The following GRIP1 variants were observed in gnomAD, a reference collection of about 807,000 sequenced individuals.
GRIP1 encodes glutamate receptor interacting protein 1.
A neutral mutation model predicts 129.9 loss-of-function variants in GRIP1; 45 were observed. That is an observed-to-expected ratio of 0.35 (90% CI 0.27 to 0.44). The LOEUF (loss-of-function observed/expected upper bound fraction) is 0.44, where lower values mean the gene tolerates loss of function less well. Ranked by LOEUF, GRIP1 falls within the 20% of genes least tolerant of loss-of-function variation. GRIP1 has a pLI of 1.00. For missense variants in GRIP1, 1,196 were observed against 1,396.8 expected, an observed-to-expected ratio of 0.86 and a Z score of 2.29; for synonymous variants, 530 against 520.8, an observed-to-expected ratio of 1.02 and a Z score of -0.24.
At chr12:66,817,214 A>G (rs1220118036) in intron 1 of GRIP1, among the ~76,000 whole-genome samples, 1 of 136,768 alleles carries the variant, frequency 7.3e-6, no homozygotes, top group African/African-American at 3.5e-5. Context: ...ACACACACAC[A>G]CACACACACA....
chr12:66,781,822 G>T (rs1013910094), intron 1 of GRIP1, among the ~76,000 whole-genome samples: 17 of 152,166 alleles, frequency 1.1e-4, no homozygotes, highest in African/African-American at 3.6e-4. Context: ...TTAGGTAGGG[G>T]AAGGGTGTAT....
intron 1 of GRIP1, among the ~76,000 whole-genome samples, chr12:66,789,438 G>A (rs73329245): frequency 0.036 from 5,416 of 152,234 alleles, 246 homozygotes; most frequent in African/African-American, 0.11. Context: ...AGTAACAACA[G>A]CTAATTTATC....
chr12:66,654,319 A>C (rs1247360299), intron 1 of GRIP1, among the ~76,000 whole-genome samples: 2 of 152,238 alleles, frequency 1.3e-5, no homozygotes, highest in African/African-American at 4.8e-5. Flanking sequence ...ATCTAAGTGA[A>C]TACAACCTGT....
chr12:66,812,919 T>G (rs1019608374), intron 1 of GRIP1, among the ~76,000 whole-genome samples: 2 of 152,152 alleles, frequency 1.3e-5, no homozygotes, highest in Admixed American at 1.3e-4. Context: ...GATTCATTTA[T>G]TCGACAAATG....
chr12:66,939,139 T>A (rs1323154498), intron 1 of GRIP1, among the ~76,000 whole-genome samples: 1 of 152,080 alleles, frequency 6.6e-6, no homozygotes, highest in Non-Finnish European at 1.5e-5. Flanking sequence ...TTCCCTTAGT[T>A]AAGACCAGCT....
chr12:66,863,695 T>C (rs2040151750), intron 1 of GRIP1, among the ~76,000 whole-genome samples: 1 of 152,080 alleles, frequency 6.6e-6, no homozygotes, highest in Non-Finnish European at 1.5e-5. Flanking sequence ...GAGCAGAAGA[T>C]GCAGTGGGAA....
At chr12:66,883,777 G>C (rs2040519167) in intron 1 of GRIP1, among the ~76,000 whole-genome samples, 1 of 152,230 alleles carries the variant, frequency 6.6e-6, no homozygotes, top group Non-Finnish European at 1.5e-5. Flanking sequence ...ACATAGTGGA[G>C]AAGAGGGCAG....
chr12:67,015,931 T>G (rs2042779571), intron 1 of GRIP1, among the ~76,000 whole-genome samples: 1 of 152,158 alleles, frequency 6.6e-6, no homozygotes, highest in Admixed American at 6.5e-5. Context: ...AGTCCTAGCT[T>G]TGGCCCCACC....
chr12:66,391,527 T>A (rs964517149), intron 19 of GRIP1, among the ~76,000 whole-genome samples: 2 of 152,212 alleles, frequency 1.3e-5, no homozygotes, highest in Non-Finnish European at 2.9e-5. Flanking sequence ...ACTCTATACT[T>A]TCCTATATTG....
intron 19 of GRIP1, among the ~76,000 whole-genome samples, chr12:66,388,237 A>G (rs992057664): frequency 1.3e-5 from 2 of 152,142 alleles, no homozygotes; most frequent in African/African-American, 4.8e-5. Context: ...TTATGGATAT[A>G]ATTATAGAAA....
intron 1 of GRIP1, among the ~76,000 whole-genome samples, chr12:66,993,502 C>CT (rs1470113023): frequency 6.6e-6 from 1 of 151,696 alleles, no homozygotes; most frequent in African/African-American, 2.4e-5. Context: ...AAAATCAGGA[C>CT]TGAACAGACC....
intron 1 of GRIP1, among the ~76,000 whole-genome samples, chr12:66,629,549 C>T (rs2030506487): frequency 6.6e-6 from 1 of 152,190 alleles, no homozygotes; most frequent in South Asian, 2.1e-4. Flanking sequence ...AGCTTTAACT[C>T]AAGTGAACAT....
At chr12:66,583,555 T>G in intron 2 of GRIP1, among the ~76,000 whole-genome samples, 1 of 131,618 alleles carries the variant, frequency 7.6e-6, no homozygotes, top group Non-Finnish European at 1.7e-5. Context: ...TCAAACCAAT[T>G]TACAAGAAAA....
At chr12:66,968,415 T>C (rs1011524025) in intron 1 of GRIP1, among the ~76,000 whole-genome samples, 2 of 152,130 alleles carry the variant, frequency 1.3e-5, no homozygotes, top group African/African-American at 4.8e-5. Flanking sequence ...TTTTTTCTTA[T>C]TTTGCCTTCT....
chr12:66,384,450 T>C (rs1463452425), intron 19 of GRIP1, among the ~76,000 whole-genome samples: 2 of 152,216 alleles, frequency 1.3e-5, no homozygotes, highest in Non-Finnish European at 2.9e-5. Flanking sequence ...TCCGGGTATG[T>C]GTACTAAAAG....
chr12:66,993,945 C>T (rs2042430817), intron 1 of GRIP1, among the ~76,000 whole-genome samples: 1 of 151,988 alleles, frequency 6.6e-6, no homozygotes, highest in South Asian at 2.1e-4. Flanking sequence ...ATACATACTA[C>T]CAAAACTGAT....
In GRIP1 at chr12:66,379,455, G is replaced by A. The variant is rs2055992165; in HGVS notation, c.2465-19C>T. Reference sequence around the variant, plus strand: ...CTAGTGCCTAAAATATAAACAAGGTGTTAGCATTGGGCCCAAGGATTACTT... The same window carrying A: ...CTAGTGCCTAAAATATAAACAAGGTATTAGCATTGGGCCCAAGGATTACTT... On this transcript the variant is annotated intron_variant, in intron 19 of 24. Coordinates refer to ENST00000359742, the MANE Select transcript of GRIP1 (RefSeq NM_001366722.1). 2.5e-6 allele frequency: 4 copies of A among 1,612,858 alleles called. No homozygotes were observed. The highest frequency in any genetic ancestry group is 3.4e-6 in the Non-Finnish European group (4 of 1,178,834).
intron 1 of GRIP1, among the ~76,000 whole-genome samples, chr12:66,954,965 T>C (rs893978716): frequency 8.5e-5 from 13 of 152,262 alleles, no homozygotes; most frequent in African/African-American, 2.4e-4. Flanking sequence ...GAAGGCCTCA[T>C]TGATAAAGTG....
intron 7 of GRIP1, among the ~76,000 whole-genome samples, chr12:66,496,761 C>T (rs1158720365): frequency 6.6e-6 from 1 of 152,024 alleles, no homozygotes; most frequent in Non-Finnish European, 1.5e-5. Context: ...GAGATTCAGG[C>T]ATCCTGATGC....
Sources: allele counts gnomAD v4.1 joint callset (sites outside exome capture counted in the v4.1 genomes callset), GRCh38; gene constraint gnomAD v4.1.1; transcripts MANE v1.5; gene names NCBI Gene and HGNC (gene_info 2026-07-23, HGNC 2026-07-21).